The following MFSD1 variants were observed in gnomAD, a reference collection of about 807,000 sequenced individuals.
MFSD1 encodes the protein lysosomal dipeptide transporter MFSD1.
A neutral mutation model predicts 67.1 loss-of-function variants in MFSD1; 59 were observed. The observed-to-expected ratio is 0.88, with a 90% confidence interval of 0.71 to 1.09. The LOEUF (loss-of-function observed/expected upper bound fraction) is 1.09. Ranked by LOEUF, MFSD1 falls within the 50% of genes least tolerant of loss-of-function variation. The pLI is 0.00. For missense variants in MFSD1, 552 were observed against 566.1 expected (o/e 0.97, Z 0.25); for synonymous variants, 213 against 200.3 (o/e 1.06, Z -0.54).
At chr3:158,802,493 T>A in intron 1 of MFSD1, 178 bp downstream of exon 1, 1 of 808,706 alleles carries the variant, frequency 1.2e-6, no homozygotes, top group Non-Finnish European at 2.1e-6. Context: ...TGGATGTTGC[T>A]AGTTACTCCG....
chr3:158,811,232 G>A (rs777654225), intron 6 of MFSD1, among the ~76,000 whole-genome samples: 7 of 152,178 alleles, frequency 4.6e-5, no homozygotes, highest in Admixed American at 2.6e-4. Context: ...AACTGTGAGC[G>A]CTGTAACCTA....
At chr3:158,809,374 A>T in intron 6 of MFSD1, 87 bp downstream of exon 6, 13 of 851,710 alleles carry the variant, frequency 1.5e-5, no homozygotes, top group Non-Finnish European at 2.4e-5. Context: ...GATGAAATGT[A>T]TTTGTGTATG....
rs370028915 is a variant in MFSD1, at chr3:158,823,519, A to G, written c.1169A>G (p.Tyr390Cys). 2 of 1,605,766 alleles carry G rather than the reference A, an allele frequency of 1.2e-6. No homozygotes were observed. Among genetic ancestry groups the G allele is most frequent in the Non-Finnish European group, 1.7e-6 (2 of 1,172,518 alleles). ...CCTGAACATCAGCTGGGAACTGCAT[A>G]TGGCTTGTAAGTATTTACGCTGTGG... Reference protein sequence around the residue: ...VVPEHQLGTAYGFMQSIQNLG... With the variant: ...VVPEHQLGTACGFMQSIQNLG... The change falls in exon 12 of 16, where the codon TAT becomes TGT. Residue 390 changes from tyrosine to cysteine, a missense_variant. Transcript: ENST00000415822.
chr3:158,814,808 C>A (rs1689020821), intron 7 of MFSD1, among the ~76,000 whole-genome samples: 1 of 152,236 alleles, frequency 6.6e-6, no homozygotes, highest in Admixed American at 6.5e-5. Flanking sequence ...AGCAGCCGGG[C>A]ACGGTGGCTC....
chr3:158,802,623 C>G, intron 1 of MFSD1: 1 of 632,550 alleles, frequency 1.6e-6, no homozygotes, highest in Non-Finnish European at 2.9e-6. Flanking sequence ...AAGGTAACTC[C>G]AGATTTTCAA....
intron 15 of MFSD1, 32 bp downstream of exon 15, chr3:158,827,369 AT>A: frequency 1.6e-6 from 2 of 1,257,338 alleles, no homozygotes; most frequent in Non-Finnish European, 2.2e-6. Context: ...AGTTGTCTTT[AT>A]TTTTGAAATC....
At chr3:158,811,962 T>C (rs548752585) in intron 6 of MFSD1, among the ~76,000 whole-genome samples, 4 of 152,322 alleles carry the variant, frequency 2.6e-5, no homozygotes, top group Middle Eastern at 3.4e-3. Context: ...AAAATCTCTT[T>C]TAACTATTTA....
At chr3:158,822,737 C>T (rs1730743137) in intron 11 of MFSD1, 1 of 153,992 alleles carries the variant, frequency 6.5e-6, no homozygotes, top group African/African-American at 2.4e-5. Context: ...AGAGATGCTA[C>T]AGCAGTGGGT....
chr3:158,821,755 T>G (rs73158377), intron 10 of MFSD1, 102 bp downstream of exon 10: 1 of 1,123,484 alleles, frequency 8.9e-7, no homozygotes, highest in South Asian at 1.4e-5. Flanking sequence ...ACCTAATATT[T>G]TTTAAGTGCG....
chr3:158,816,226 C>T lies in MFSD1; in HGVS notation c.652+2159C>T, dbSNP rs1329001069. ...TAGTTCTAGATCCCTGAGGAATCGC[C>T]ACACCGACTTCCACGATGGTTGAAC... On this transcript the variant is annotated intron_variant, in intron 7 of 15. Coordinates refer to ENST00000415822, the MANE Select transcript of MFSD1 (RefSeq NM_022736.4). Among the ~76,000 whole-genome samples, 235 of 152,288 alleles carry T rather than the reference C, an allele frequency of 1.5e-3. 1 individual carries two copies. The highest frequency in any genetic ancestry group is 3.4e-3 in the Middle Eastern group (1 of 294).
chr3:158,826,813 G>A (rs1476769721), intron 14 of MFSD1, among the ~76,000 whole-genome samples: 1 of 151,884 alleles, frequency 6.6e-6, no homozygotes, highest in Non-Finnish European at 1.5e-5. Context: ...GACTATAGGT[G>A]TATGCCACCA....
chr3:158,803,447 G>T (rs1346608432), intron 1 of MFSD1, among the ~76,000 whole-genome samples: 1 of 151,730 alleles, frequency 6.6e-6, no homozygotes, highest in African/African-American at 2.4e-5. Context: ...GCAGGGTTTA[G>T]AAACAACCAC....
At chr3:158,826,237 A>G (rs1730960176) in intron 14 of MFSD1, among the ~76,000 whole-genome samples, 175 bp downstream of exon 14, 1 of 152,136 alleles carries the variant, frequency 6.6e-6, no homozygotes. Context: ...GGGCCTTCAT[A>G]TTTATTAAGA....
chr3:158,819,562 T>A (rs1004201800), intron 7 of MFSD1, 87 bp from the exon 8 acceptor site: 2 of 629,710 alleles, frequency 3.2e-6, no homozygotes, highest in African/African-American at 3.8e-5. Flanking sequence ...CTGTTTTTGC[T>A]GTTTATGTAA....
chr3:158,815,777 A>G (rs911396208), intron 7 of MFSD1, among the ~76,000 whole-genome samples: 1 of 151,706 alleles, frequency 6.6e-6, no homozygotes, highest in South Asian at 2.1e-4. Context: ...AGCATTAGGT[A>G]TATCTCCTAA....
rs1479676019 is a variant in MFSD1 at position 158,813,988 on chromosome 3, C to T, written c.573C>T (p.Leu191=). ...ARIGSTVNMN[L]MGWLYSKIEA... is the part of the protein sequence containing the mutation. The stretch of plus-strand genomic sequence containing the variant: ...AGGGAAGTACAGTAAACATGAACCT[C>T]ATGGGATGGCTGTATTCTAAGATTG... Residue 191 remains leucine, a synonymous_variant, in exon 7 of 16, where the codon CTC becomes CTT. Transcript: ENST00000415822. The T allele has an allele frequency of 3.1e-6, 5 of 1,612,962 alleles. No individual in the cohort carries two copies. Among genetic ancestry groups the T allele is most frequent in the Non-Finnish European group, 4.2e-6 (5 of 1,179,360 alleles).
chr3:158,828,657 T>C (rs1335589068), intron 15 of MFSD1, among the ~76,000 whole-genome samples: 1 of 152,188 alleles, frequency 6.6e-6, no homozygotes, highest in African/African-American at 2.4e-5. Flanking sequence ...ATCCTAATTT[T>C]ATTCAAGAAA....
At chr3:158,816,116 A>G (rs1453381472) in intron 7 of MFSD1, among the ~76,000 whole-genome samples, 5 of 151,708 alleles carry the variant, frequency 3.3e-5, no homozygotes, top group Admixed American at 1.3e-4. Flanking sequence ...ATAAACATAC[A>G]TGTGCATGTG....
intron 13 of MFSD1, 83 bp from the exon 14 acceptor site, chr3:158,825,932 A>C: frequency 9.4e-7 from 1 of 1,066,276 alleles, no homozygotes; most frequent in South Asian, 1.3e-5. Flanking sequence ...ATTGTGTCTA[A>C]GCTTTGCTTT....
Sources: gnomAD v4.1 joint callset for allele counts (sites outside exome capture counted in the v4.1 genomes callset) on GRCh38, gnomAD v4.1.1 for gene constraint, MANE v1.5 for transcripts, NCBI Gene and HGNC (gene_info 2026-07-23, HGNC 2026-07-21) for gene names.